Variants in SUPT3H observed in about 807,000 individuals in gnomAD.
SUPT3H encodes transcription initiation protein SPT3 homolog.
In SUPT3H, 44 loss-of-function variants were observed where a neutral mutation model predicts 44.3. That is an observed-to-expected ratio of 0.99 (90% CI 0.78 to 1.28). The LOEUF is 1.28. SUPT3H is among the 50% of genes most tolerant of loss of function. SUPT3H has a pLI of 0.00. For missense variants in SUPT3H, 380 were observed against 387.1 expected, an observed-to-expected ratio of 0.98 and a Z score of 0.15; for synonymous variants, 124 against 125.6, an observed-to-expected ratio of 0.99 and a Z score of 0.09.
chr6:44,862,677 C>CAA (rs3997535), intron 10 of SUPT3H, among the ~76,000 whole-genome samples: 119,986 of 138,706 alleles, frequency 0.87, 52,476 homozygotes, highest in Middle Eastern at 0.93. Flanking sequence ...AACTCTGTAT[C>CAA]AAAAAAAAAA....
chr6:45,223,929 T>C (rs1766473393), intron 2 of SUPT3H, among the ~76,000 whole-genome samples: 1 of 150,082 alleles, frequency 6.7e-6, no homozygotes, highest in Admixed American at 6.6e-5. Flanking sequence ...ATACTAAAAA[T>C]GATAGAAATA....
At chr6:45,367,441 C>T (rs1359510736) in intron 1 of SUPT3H, among the ~76,000 whole-genome samples, 1 of 151,536 alleles carries the variant, frequency 6.6e-6, no homozygotes, top group African/African-American at 2.4e-5. Context: ...AGAAACATAA[C>T]CATTTGAGAC....
At chr6:45,203,384 T>A (rs898936914) in intron 2 of SUPT3H, among the ~76,000 whole-genome samples, 1 of 152,196 alleles carries the variant, frequency 6.6e-6, no homozygotes, top group Admixed American at 6.6e-5. Context: ...TTCTACCTCT[T>A]AAGTATATCC....
intron 9 of SUPT3H, among the ~76,000 whole-genome samples, chr6:44,940,301 C>T (rs1372631895): frequency 6.6e-6 from 1 of 151,984 alleles, no homozygotes; most frequent in African/African-American, 2.4e-5. Flanking sequence ...CTTCATTAAT[C>T]CCATGATCAT....
chr6:45,134,157 T>C (rs1803909766), intron 2 of SUPT3H, among the ~76,000 whole-genome samples: 1 of 152,150 alleles, frequency 6.6e-6, no homozygotes, highest in Non-Finnish European at 1.5e-5. Context: ...AAGGGTTTTC[T>C]TGCTGCATCA....
rs559052308 is a variant in SUPT3H, at chr6:44,963,261, G to A, written c.505-1433C>T. Among the ~76,000 whole-genome samples, 9 of 152,268 alleles carry A rather than the reference G, an allele frequency of 5.9e-5. No individual in the cohort carries two copies. The East Asian group carries it at 1.7e-3, about 29-fold the overall frequency. The stretch of plus-strand genomic sequence containing the variant: ...CGCCTGTAATCCCAGCACTTGGGAG[G>A]TCCAGGCAGGTGGATCACTTGAAGG... On this transcript the variant is annotated intron_variant, in intron 6 of 10. Transcript: ENST00000371459.
chr6:44,879,240 G>A (rs1444876538), intron 10 of SUPT3H, among the ~76,000 whole-genome samples: 6 of 152,186 alleles, frequency 3.9e-5, no homozygotes, highest in Non-Finnish European at 8.8e-5. Context: ...CTTGGTGGTG[G>A]GAGGGGCGTC....
intron 3 of SUPT3H, among the ~76,000 whole-genome samples, chr6:45,057,844 A>G (rs1467205882): frequency 6.6e-6 from 1 of 152,136 alleles, no homozygotes; most frequent in Non-Finnish European, 1.5e-5. Context: ...ATGTCACTTC[A>G]GTCAGTAGGA....
intron 2 of SUPT3H, among the ~76,000 whole-genome samples, chr6:45,295,266 G>C (rs1437758474): frequency 6.6e-6 from 1 of 151,840 alleles, no homozygotes; most frequent in Admixed American, 6.6e-5. Context: ...AACAAATGGT[G>C]CTGGGATACT....
chr6:45,249,015 T>C (rs890257186), intron 2 of SUPT3H, among the ~76,000 whole-genome samples: 1 of 151,948 alleles, frequency 6.6e-6, no homozygotes, highest in Non-Finnish European at 1.5e-5. Flanking sequence ...ATTAAGTATA[T>C]ACGTACCATG....
chr6:45,233,594 C>A (rs1257829348), intron 2 of SUPT3H, among the ~76,000 whole-genome samples: 1 of 152,252 alleles, frequency 6.6e-6, no homozygotes, highest in Non-Finnish European at 1.5e-5. Flanking sequence ...CCCCTATGGG[C>A]TCCCAACCAA....
At chr6:45,091,578 G>C (rs1275801820) in intron 3 of SUPT3H, among the ~76,000 whole-genome samples, 2 of 152,070 alleles carry the variant, frequency 1.3e-5, no homozygotes, top group African/African-American at 4.8e-5. Context: ...CTGTGGGCAA[G>C]TTGCTTAATC....
Position 45,213,678 on chromosome 6 carries a change from ATC to A in SUPT3H, c.102-107674_102-107673del, listed in dbSNP as rs1409438007. ...TAAGGATTATATCCTACGATAATTA[ATC>A]AATCAAATTATTAAGAACAAGGAAG... On this transcript the variant is annotated intron_variant, in intron 2 of 10. Transcript: ENST00000371459. Among the ~76,000 whole-genome samples the A allele has an allele frequency of 2.6e-3, 397 of 152,274 alleles. 2 individuals are homozygous for A. Among genetic ancestry groups the A allele is most frequent in the African/African-American group, 7.4e-3 (308 of 41,596 alleles).
chr6:45,111,297 CTA>C (rs1244167143), intron 2 of SUPT3H, among the ~76,000 whole-genome samples: 2 of 152,014 alleles, frequency 1.3e-5, no homozygotes, highest in Non-Finnish European at 2.9e-5. Context: ...TCCCAAAGTG[CTA>C]TGATTATAGG....
chr6:45,025,069 A>T (rs2153520569), intron 3 of SUPT3H, among the ~76,000 whole-genome samples: 1 of 152,318 alleles, frequency 6.6e-6, no homozygotes, highest in East Asian at 1.9e-4. Context: ...TTATCCTTAT[A>T]ATAATACATA....
chr6:45,253,848 C>CATATATATATATAT (rs34256293), intron 2 of SUPT3H, among the ~76,000 whole-genome samples: 1,775 of 88,512 alleles, frequency 0.02, 57 homozygotes, highest in African/African-American at 0.034. Context: ...CACATATACG[C>CATATATATATATAT]ATATATATAT....
At chr6:45,044,479 T>C (rs1789065904) in intron 3 of SUPT3H, among the ~76,000 whole-genome samples, 1 of 152,188 alleles carries the variant, frequency 6.6e-6, no homozygotes, top group Non-Finnish European at 1.5e-5. Flanking sequence ...ACTACTTATC[T>C]GTAAATCACT....
At chr6:45,364,346 A>C (rs1304856105) in intron 2 of SUPT3H, among the ~76,000 whole-genome samples, 1 of 152,192 alleles carries the variant, frequency 6.6e-6, no homozygotes, top group African/African-American at 2.4e-5. Flanking sequence ...TAATCATCAC[A>C]TAGTGACGTT....
rs73735392 is a variant in SUPT3H, at chr6:45,366,800, G to C, written c.1-1499C>G. On this transcript the variant is annotated intron_variant, in intron 1 of 10. Coordinates refer to ENST00000371459, the MANE Select transcript of SUPT3H (RefSeq NM_003599.4). ...TCCTGCACCCTACAATTTGTAAGAA[G>C]TCAAGTAAATTCTACTTTCTGTATG... Among the ~76,000 whole-genome samples, 1,083 of 152,236 alleles carry C rather than the reference G, an allele frequency of 7.1e-3. 19 individuals are homozygous for C. The highest frequency in any genetic ancestry group is 0.025 in the African/African-American group (1,031 of 41,550).
Sources: gnomAD v4.1 joint callset for allele counts (sites outside exome capture counted in the v4.1 genomes callset) on GRCh38, gnomAD v4.1.1 for gene constraint, MANE v1.5 for transcripts, NCBI Gene and HGNC (gene_info 2026-07-23, HGNC 2026-07-21) for gene names.